Variants in PPP2R1B observed in about 807,000 individuals in gnomAD.
The protein encoded by PPP2R1B is serine/threonine-protein phosphatase 2A 65 kDa regulatory subunit A beta isoform.
A neutral mutation model predicts 72.7 loss-of-function variants in PPP2R1B; 58 were observed. That is an observed-to-expected ratio of 0.80 (90% CI 0.65 to 0.99). The LOEUF (loss-of-function observed/expected upper bound fraction) is 0.99. Among genes scored for constraint, PPP2R1B ranks in the 50% least tolerant of loss-of-function variants. The pLI, the probability that PPP2R1B is intolerant of heterozygous loss-of-function variation, is 0.00. For missense variants in PPP2R1B, 695 were observed against 733.6 expected, an observed-to-expected ratio of 0.95 and a Z score of 0.61; for synonymous variants, 256 against 264.6, an observed-to-expected ratio of 0.97 and a Z score of 0.32.
the PPP2R1B span, among the ~76,000 whole-genome samples, chr11:111,711,547 T>C: frequency 6.6e-6 from 1 of 152,250 alleles, no homozygotes; most frequent in East Asian, 1.9e-4. Flanking sequence ...AAAACATAGC[T>C]TGCAGTAAGC....
chr11:111,730,673 T>TG (rs913370687), intron 15 of PPP2R1B: 3 of 151,674 alleles, frequency 2.0e-5, no homozygotes, highest in African/African-American at 4.8e-5. Flanking sequence ...AGCTCCAATG[T>TG]GAAAAAAAAA....
downstream of PPP2R1B, chr11:111,724,094 G>A (rs774352072): frequency 6.2e-7 from 1 of 1,612,760 alleles, no homozygotes; most frequent in Admixed American, 1.7e-5. Flanking sequence ...AGACGCTGTG[G>A]ATCCACAACA....
the PPP2R1B span, chr11:111,720,089 A>G: frequency 6.0e-6 from 8 of 1,333,864 alleles, no homozygotes; most frequent in South Asian, 2.5e-5. Flanking sequence ...ATGCCAGCCA[A>G]CACCTAAAAT....
chr11:111,738,123 A>G lies in PPP2R1B; in HGVS notation c.*3473T>C. 11 of 988,094 alleles carry G rather than the reference A, an allele frequency of 1.1e-5. No homozygotes were observed. The highest frequency in any genetic ancestry group is 1.3e-5 in the Non-Finnish European group (11 of 831,356). The allele number at this position is 988,094 out of a possible 1,614,324, so 61.2% of individuals were successfully genotyped here. A position where few individuals can be genotyped will look rare whatever the true frequency, so the allele number is the denominator to read the frequency against. Reference sequence around the variant, plus strand: ...AAGAGGAGAGTAAGGAACTGGATGGAAACAGGAATACTGGAGAATCAAAGG... The same window carrying G: ...AAGAGGAGAGTAAGGAACTGGATGGGAACAGGAATACTGGAGAATCAAAGG... On this transcript the variant is annotated 3_prime_UTR_variant, in exon 15 of 15. Transcript: ENST00000527614.
At chr11:111,700,902 T>A in the PPP2R1B span, 1 of 1,613,980 alleles carries the variant, frequency 6.2e-7, no homozygotes. Context: ...GTTTTGGAAA[T>A]TTCTTTAAAA....
the PPP2R1B span, among the ~76,000 whole-genome samples, chr11:111,698,329 A>G: frequency 6.6e-6 from 1 of 152,246 alleles, no homozygotes; most frequent in Non-Finnish European, 1.5e-5. Flanking sequence ...GCCTAAGGCA[A>G]TAAAGAGGCC....
In PPP2R1B at chr11:111,743,405, G is replaced by A. The variant is rs115636662; in HGVS notation, c.1525C>T (p.His509Tyr). The change falls in exon 12 of 15, where the codon CAT becomes TAT. Residue 509 changes from histidine to tyrosine, a missense_variant. His to Tyr is a moderately conservative substitution (Grantham distance 83). Transcript: ENST00000527614. ...LVMANDPNYL[H>Y]RMTTLFCINA... ...ATGCAGAATAAAGTGGTCATTCTAT[G>A]CAAGTAATTAGGATCATTTGCCATT... The A allele has an allele frequency of 5.0e-6, 8 of 1,612,760 alleles. No homozygotes were observed. The East Asian group carries it at 1.6e-4, about 31-fold the overall frequency.
intron 8 of PPP2R1B, among the ~76,000 whole-genome samples, chr11:111,753,959 T>C (rs1945009005): frequency 6.6e-6 from 1 of 151,224 alleles, no homozygotes; most frequent in South Asian, 2.1e-4. Context: ...CCCTGTCACC[T>C]AGGCTGGAGT....
At chr11:111,727,083 C>A in intron 15 of PPP2R1B, 1 of 1,595,588 alleles carries the variant, frequency 6.3e-7, no homozygotes, top group Non-Finnish European at 8.6e-7. Flanking sequence ...CATGTTAGCC[C>A]GACAGGAAGA....
In PPP2R1B at chr11:111,766,117, C is replaced by T. The variant is rs139485587; in HGVS notation, c.114+131G>A. 4.9e-4 allele frequency: 406 copies of T among 822,282 alleles called. 4 individuals carry two copies. In the East Asian group the frequency reaches 0.01, roughly 20 times the overall value. The allele number at this position is 822,282 out of a possible 1,614,324, so 50.9% of individuals were successfully genotyped here. On this transcript the variant is annotated intron_variant, in intron 1 of 14. Coordinates refer to ENST00000527614, the MANE Select transcript of PPP2R1B (RefSeq NM_002716.5). Reference sequence around the variant, plus strand: ...GCCCCTCGCGGAGCATTCCCCGCCTCCCCTTCAAGTTTCTGCTACGAGTCC... The same window carrying T: ...GCCCCTCGCGGAGCATTCCCCGCCTTCCCTTCAAGTTTCTGCTACGAGTCC...
In PPP2R1B at chr11:111,740,943, T is replaced by C. The variant is rs1251153654; in HGVS notation, c.*653A>G. 1.0e-6 allele frequency: 1 copy of C among 985,378 alleles called. No individual in the cohort carries two copies. The highest frequency in any genetic ancestry group is 1.2e-6 in the Non-Finnish European group (1 of 829,972). The allele number at this position is 985,378 out of a possible 1,614,324, so 61.0% of individuals were successfully genotyped here. A position where few individuals can be genotyped will look rare whatever the true frequency, so the allele number is the denominator to read the frequency against. The stretch of plus-strand genomic sequence containing the variant: ...TTCAGTTAGGCGTCAACATCACACA[T>C]TAGCAGCAAGATGCAGCCACACTTC... On this transcript the variant is annotated 3_prime_UTR_variant, in exon 15 of 15. Transcript: ENST00000527614.
the PPP2R1B span, among the ~76,000 whole-genome samples, chr11:111,706,595 T>TA: frequency 8.5e-5 from 13 of 152,274 alleles, no homozygotes; most frequent in South Asian, 2.7e-3. Flanking sequence ...GAGTATGTTT[T>TA]AAAAAAGGGA....
the PPP2R1B span, chr11:111,703,228 G>A: frequency 1.9e-6 from 3 of 1,614,126 alleles, no homozygotes; most frequent in Non-Finnish European, 2.5e-6. Context: ...TCCGAAGGAT[G>A]TTGGTCCTAG....
rs574095798 is a variant in PPP2R1B at position 111,732,147 on chromosome 11, G to A, written c.1912-5090C>T. On this transcript the variant is annotated intron_variant, in intron 15 of 15. Coordinates refer to the PPP2R1B transcript ENST00000311129. ...CACTTCCCAAGTTCTCCATCAAGAC[G>A]CAGGACAGGTGGGAACAGGGCCCAA... Among the ~76,000 whole-genome samples, 4 of 152,356 alleles carry A rather than the reference G, an allele frequency of 2.6e-5. No individual in the cohort carries two copies. In the South Asian group the frequency reaches 8.3e-4, roughly 32 times the overall value.
downstream of PPP2R1B, among the ~76,000 whole-genome samples, chr11:111,737,149 G>A (rs1367227283): frequency 6.6e-6 from 1 of 152,200 alleles, no homozygotes; most frequent in Non-Finnish European, 1.5e-5. Flanking sequence ...AAACCCCACT[G>A]GTGTCCTCTG....
intron 11 of PPP2R1B, 101 bp from the exon 12 acceptor site, chr11:111,743,631 C>G: frequency 7.3e-7 from 1 of 1,373,800 alleles, no homozygotes; most frequent in African/African-American, 1.5e-5. Context: ...AAAGCAAAAC[C>G]CCTCTGCAAT....
the PPP2R1B span, among the ~76,000 whole-genome samples, chr11:111,696,766 T>C: frequency 6.6e-6 from 1 of 152,216 alleles, no homozygotes; most frequent in Non-Finnish European, 1.5e-5. Flanking sequence ...GACATGTGTA[T>C]GGAATGCTGA....
chr11:111,765,256 G>C, intron 2 of PPP2R1B, 38 bp downstream of exon 2: 4 of 1,545,604 alleles, frequency 2.6e-6, no homozygotes, highest in Non-Finnish European at 2.7e-6. Flanking sequence ...CTGGAAAATG[G>C]AATGTCCCTA....
chr11:111,765,668 G>C (rs1252862297), intron 1 of PPP2R1B: 2 of 510,544 alleles, frequency 3.9e-6, no homozygotes, highest in African/African-American at 3.8e-5. Flanking sequence ...ATTTTAAAAA[G>C]AGAGCACTTT....
Sources: gnomAD v4.1 joint callset for allele counts (sites outside exome capture counted in the v4.1 genomes callset) on GRCh38, gnomAD v4.1.1 for gene constraint, MANE v1.5 for transcripts, NCBI Gene and HGNC (gene_info 2026-07-23, HGNC 2026-07-21) for gene names.